Variants in HMGA2 observed in about 807,000 individuals in gnomAD.
HMGA2 encodes the protein high mobility group protein HMGI-C.
A neutral mutation model predicts 19.1 loss-of-function variants in HMGA2; 8 were observed. The ratio of observed to expected loss-of-function variants is 0.42; its 90% CI spans 0.25 to 0.76. HMGA2 has a LOEUF of 0.76. HMGA2 is among the 30% of genes least tolerant of loss of function. HMGA2 has a pLI of 0.28. For synonymous variants in HMGA2, 60 were observed against 48.8 expected (o/e 1.23, Z -0.96); for missense variants, 109 against 136.3 (o/e 0.80, Z 1.00).
intron 3 of HMGA2, among the ~76,000 whole-genome samples, chr12:65,839,360 G>T (rs999621020): frequency 1.6e-4 from 25 of 152,084 alleles, no homozygotes; most frequent in African/African-American, 6.0e-4. Flanking sequence ...GAATGAAATC[G>T]TTTCTCAAGA....
At chr12:65,914,188 G>T (rs1202699742) in intron 3 of HMGA2, among the ~76,000 whole-genome samples, 3 of 151,980 alleles carry the variant, frequency 2.0e-5, no homozygotes, top group African/African-American at 7.3e-5. Flanking sequence ...AAAGACACAT[G>T]CACACGTATG....
chr12:65,888,173 C>G (rs1302258133), intron 3 of HMGA2, among the ~76,000 whole-genome samples: 2 of 151,926 alleles, frequency 1.3e-5, no homozygotes, highest in East Asian at 3.9e-4. Context: ...ACCTTCAAAC[C>G]GACTGAGTGC....
chr12:65,947,593 A>G (rs1876313304), intron 3 of HMGA2, among the ~76,000 whole-genome samples: 2 of 152,214 alleles, frequency 1.3e-5, no homozygotes. Context: ...TAGTCTCAAC[A>G]TAATGAACTC....
intron 3 of HMGA2, among the ~76,000 whole-genome samples, chr12:65,907,810 G>T (rs980385456): frequency 1.3e-5 from 2 of 152,120 alleles, no homozygotes; most frequent in African/African-American, 4.8e-5. Context: ...TTAAGCAGCT[G>T]CACTGGATAG....
intron 3 of HMGA2, among the ~76,000 whole-genome samples, chr12:65,912,340 T>A (rs2121215441): frequency 6.6e-6 from 1 of 152,272 alleles, no homozygotes; most frequent in African/African-American, 2.4e-5. Context: ...CCAAAAAGTG[T>A]GACCTCATCT....
At chr12:65,847,311 G>A (rs543956503) in intron 3 of HMGA2, among the ~76,000 whole-genome samples, 2 of 152,156 alleles carry the variant, frequency 1.3e-5, no homozygotes, top group African/African-American at 4.8e-5. Context: ...GAGAAAAAGG[G>A]AATCAGAAAA....
At chr12:65,947,155 C>T (rs138268725) in intron 3 of HMGA2, among the ~76,000 whole-genome samples, 316 of 151,708 alleles carry the variant, frequency 2.1e-3, no homozygotes, top group African/African-American at 7.3e-3. Context: ...AGTCTTGCTC[C>T]GTCACCCAGG....
chr12:65,827,282 A>T (rs143675261), intron 1 of HMGA2, among the ~76,000 whole-genome samples: 1 of 152,190 alleles, frequency 6.6e-6, no homozygotes, highest in Non-Finnish European at 1.5e-5. Flanking sequence ...TGAAGAAAAT[A>T]TGTTTATTTT....
chr12:65,950,030 C>T (rs10784502), intron 3 of HMGA2, among the ~76,000 whole-genome samples: 82,108 of 151,950 alleles, frequency 0.54, 22,901 homozygotes, highest in East Asian at 0.89. Flanking sequence ...TGGATGTCTA[C>T]AAGCAAAAAG....
Position 65,887,863 on chromosome 12 carries a change from T to C in HMGA2, c.249+49294T>C, listed in dbSNP as rs527910607. On this transcript the variant is annotated intron_variant, in intron 3 of 4. Transcript: ENST00000403681. Reference sequence around the variant, plus strand: ...GATATCTTACTAGCCAATATTAGCCTGCCACAGGCAAATTAAAAAAAAAAA... The same window carrying C: ...GATATCTTACTAGCCAATATTAGCCCGCCACAGGCAAATTAAAAAAAAAAA... 6.8e-4 allele frequency among the ~76,000 whole-genome samples: 99 copies of C among 145,328 alleles called. 2 individuals are homozygous for C. In the Middle Eastern group the frequency reaches 0.021, roughly 31 times the overall value.
At chr12:65,960,380 A>T (rs954340360) in intron 4 of HMGA2, among the ~76,000 whole-genome samples, 13 of 152,116 alleles carry the variant, frequency 8.5e-5, no homozygotes, top group African/African-American at 2.9e-4. Flanking sequence ...CACTTAGGAG[A>T]GCTGAGAATG....
In HMGA2 at chr12:65,824,540, C is replaced by G. The variant is rs1042413249; in HGVS notation, c.-731C>G. On this transcript the variant is annotated 5_prime_UTR_variant, in exon 1 of 5. Coordinates refer to ENST00000403681, the MANE Select transcript of HMGA2 (RefSeq NM_003483.6). ...GTGCAAGACTCAGGAGCTAGCAGCC[C>G]GTCCCCCTCCGACTCTCCGGTGCCG... The G allele has an allele frequency of 1.7e-5, 4 of 233,346 alleles. No individual in the cohort carries two copies. Among genetic ancestry groups the G allele is most frequent in the Non-Finnish European group, 3.4e-5 (4 of 118,516 alleles). The allele number at this position is 233,346 out of a possible 1,614,324, so 14.5% of individuals were successfully genotyped here.
intron 3 of HMGA2, among the ~76,000 whole-genome samples, chr12:65,845,448 T>C (rs550844954): frequency 5.5e-4 from 84 of 152,240 alleles, no homozygotes; most frequent in Non-Finnish European, 1.1e-3. Flanking sequence ...TTTGTTTTTT[T>C]AGTAGAGACG....
intron 3 of HMGA2, among the ~76,000 whole-genome samples, chr12:65,894,230 G>T (rs1193103009): frequency 2.0e-5 from 3 of 152,156 alleles, no homozygotes; most frequent in African/African-American, 7.2e-5. Flanking sequence ...TCTACCATCT[G>T]CTAGATTTGT....
intron 3 of HMGA2, among the ~76,000 whole-genome samples, chr12:65,939,528 G>A (rs895289953): frequency 2.6e-5 from 4 of 151,970 alleles, no homozygotes; most frequent in African/African-American, 9.7e-5. Flanking sequence ...GCTAATTTTT[G>A]TACTTTTAGT....
At chr12:65,865,253 T>C (rs1284720999) in intron 3 of HMGA2, among the ~76,000 whole-genome samples, 1 of 152,188 alleles carries the variant, frequency 6.6e-6, no homozygotes, top group Non-Finnish European at 1.5e-5. Flanking sequence ...AGCAGTTAAG[T>C]TTTGTGGAGT....
chr12:65,962,923 T>C (rs1299531536), intron 4 of HMGA2, among the ~76,000 whole-genome samples: 1 of 152,174 alleles, frequency 6.6e-6, no homozygotes, highest in African/African-American at 2.4e-5. Flanking sequence ...ATTTATCCAT[T>C]CCTACTTTTT....
chr12:65,899,940 T>G (rs1874301957), intron 3 of HMGA2, among the ~76,000 whole-genome samples: 1 of 152,228 alleles, frequency 6.6e-6, no homozygotes, highest in Admixed American at 6.5e-5. Flanking sequence ...AAGGCAACTA[T>G]GCAGGGAATT....
chr12:65,906,398 G>T (rs1430339577), intron 3 of HMGA2, among the ~76,000 whole-genome samples: 1 of 152,146 alleles, frequency 6.6e-6, no homozygotes, highest in African/African-American at 2.4e-5. Flanking sequence ...GCTCTTGAAG[G>T]TTGATTTCTA....
Sources: allele counts gnomAD v4.1 joint callset (sites outside exome capture counted in the v4.1 genomes callset), GRCh38; gene constraint gnomAD v4.1.1; transcripts MANE v1.5; gene names NCBI Gene and HGNC (gene_info 2026-07-23, HGNC 2026-07-21).